The following SLC35D4 variants were observed in gnomAD, a reference collection of about 807,000 sequenced individuals.
SLC35D4 encodes UDP-N-acetylglucosamine transporter SLC35D4.
the SLC35D4 span, among the ~76,000 whole-genome samples, chr18:23,433,654 C>T: frequency 6.6e-6 from 1 of 152,192 alleles, no homozygotes; most frequent in South Asian, 2.1e-4. Context: ...CCTTTGACAG[C>T]ACACTTGCTG....
chr18:23,311,738 C>A, the SLC35D4 span, among the ~76,000 whole-genome samples: 1 of 152,174 alleles, frequency 6.6e-6, no homozygotes, highest in South Asian at 2.1e-4. Flanking sequence ...CTAGGTCTCC[C>A]AATTCATTAA....
chr18:23,405,250 C>T, the SLC35D4 span, among the ~76,000 whole-genome samples: 1 of 152,128 alleles, frequency 6.6e-6, no homozygotes, highest in Non-Finnish European at 1.5e-5. Context: ...TGCAATGGCA[C>T]AATCTCAGCT....
At chr18:23,317,154 T>TTTACAC in the SLC35D4 span, among the ~76,000 whole-genome samples, 10 of 149,912 alleles carry the variant, frequency 6.7e-5, no homozygotes, top group Middle Eastern at 3.5e-3. Flanking sequence ...TGGGAGAAGT[T>TTTACAC]ACACACACAC....
chr18:23,268,989 G>C, the SLC35D4 span, among the ~76,000 whole-genome samples: 23 of 152,206 alleles, frequency 1.5e-4, no homozygotes, highest in Admixed American at 1.4e-3. Flanking sequence ...AAAATCTGTG[G>C]TGTCAGAGAT....
chr18:23,268,499 A>G, the SLC35D4 span, among the ~76,000 whole-genome samples: 3 of 152,126 alleles, frequency 2.0e-5, no homozygotes, highest in African/African-American at 4.8e-5. Context: ...CTAGGAATCC[A>G]TATTTGCAAC....
the SLC35D4 span, among the ~76,000 whole-genome samples, chr18:23,386,410 C>T: frequency 6.6e-6 from 1 of 152,042 alleles, no homozygotes; most frequent in Non-Finnish European, 1.5e-5. Flanking sequence ...TGGGCAATGC[C>T]GTGGCCACCA....
the SLC35D4 span, chr18:23,352,264 A>T: frequency 2.5e-6 from 4 of 1,609,494 alleles, no homozygotes; most frequent in South Asian, 4.4e-5. Flanking sequence ...ACTGTACTGA[A>T]CATGAGAAAG....
At chr18:23,295,563 G>C in the SLC35D4 span, among the ~76,000 whole-genome samples, 1 of 152,072 alleles carries the variant, frequency 6.6e-6, no homozygotes, top group Non-Finnish European at 1.5e-5. Context: ...AAAGCCATAT[G>C]TGTTAAGGTC....
At chr18:23,341,431 C>T in the SLC35D4 span, among the ~76,000 whole-genome samples, 1 of 152,258 alleles carries the variant, frequency 6.6e-6, no homozygotes, top group South Asian at 2.1e-4. Flanking sequence ...CGAAAACAGC[C>T]CCCAAATGGG....
the SLC35D4 span, among the ~76,000 whole-genome samples, chr18:23,390,585 T>C: frequency 2.3e-4 from 35 of 152,198 alleles, no homozygotes; most frequent in African/African-American, 8.2e-4. Flanking sequence ...AAATATTTCA[T>C]TATTCTCATA....
the SLC35D4 span, chr18:23,437,930 A>C: frequency 6.7e-7 from 1 of 1,486,650 alleles, no homozygotes; most frequent in Non-Finnish European, 9.2e-7. Flanking sequence ...CCGCAGCAGC[A>C]GCAGCGGCAG....
At chr18:23,264,935 G>A in the SLC35D4 span, among the ~76,000 whole-genome samples, 2 of 152,104 alleles carry the variant, frequency 1.3e-5, no homozygotes, top group African/African-American at 4.8e-5. Flanking sequence ...ATGAGCCACC[G>A]TGCCCGGCCT....
At chr18:23,437,948 A>G in the SLC35D4 span, 19 of 1,362,040 alleles carry the variant, frequency 1.4e-5, no homozygotes, top group Non-Finnish European at 1.8e-5. Context: ...CAGCGGCAGC[A>G]GCCGCCCAGA....
At chr18:23,384,079 A>G in the SLC35D4 span, among the ~76,000 whole-genome samples, 2 of 149,520 alleles carry the variant, frequency 1.3e-5, no homozygotes, top group African/African-American at 2.5e-5. Flanking sequence ...CTTTAAGCCT[A>G]GGAGCTCGAG....
At chr18:23,357,814 T>C in the SLC35D4 span, among the ~76,000 whole-genome samples, 2 of 152,210 alleles carry the variant, frequency 1.3e-5, no homozygotes, top group South Asian at 2.1e-4. Context: ...TGTTATTTTC[T>C]TTGTGTTGTT....
At chr18:23,368,808 T>C in the SLC35D4 span, 2 of 1,130,764 alleles carry the variant, frequency 1.8e-6, no homozygotes, top group Non-Finnish European at 2.5e-6. Context: ...TTTAAATACA[T>C]AAAATAATCA....
At chr18:23,396,907 A>G in the SLC35D4 span, among the ~76,000 whole-genome samples, 1 of 152,018 alleles carries the variant, frequency 6.6e-6, no homozygotes, top group Admixed American at 6.5e-5. Context: ...GATTAGTGCC[A>G]AAGTCGATCT....
chr18:23,281,292 G>A, the SLC35D4 span, among the ~76,000 whole-genome samples: 5 of 152,134 alleles, frequency 3.3e-5, no homozygotes, highest in Non-Finnish European at 7.4e-5. Context: ...CTTAGGGCAT[G>A]TGAATTATAT....
the SLC35D4 span, among the ~76,000 whole-genome samples, chr18:23,275,499 G>C: frequency 2.0e-5 from 3 of 152,174 alleles, no homozygotes. Context: ...GGAGGCTGAA[G>C]GGGCTTCGCG....
Sources: gnomAD v4.1 joint callset for allele counts (sites outside exome capture counted in the v4.1 genomes callset) on GRCh38, gnomAD v4.1.1 for gene constraint, MANE v1.5 for transcripts, NCBI Gene and HGNC (gene_info 2026-07-23, HGNC 2026-07-21) for gene names.